The following ESYT2 variants were observed in gnomAD, a reference collection of about 807,000 sequenced individuals.
ESYT2 encodes the protein extended synaptotagmin-2.
A neutral mutation model predicts 107.2 loss-of-function variants in ESYT2; 54 were observed. That is an observed-to-expected ratio of 0.50 (90% CI 0.40 to 0.63). The LOEUF (loss-of-function observed/expected upper bound fraction) is 0.63, where lower values mean the gene tolerates loss of function less well. ESYT2 is among the 30% of genes least tolerant of loss of function. The probability of loss-of-function intolerance (pLI) is 0.00; values close to 1 mark genes in which losing one functional copy is unlikely to be tolerated. For missense variants in ESYT2, 1,020 were observed against 1,094.5 expected (o/e 0.93, Z 0.96); for synonymous variants, 491 against 434.1 (o/e 1.13, Z -1.63).
At chr7:158,738,328 TACACACACACACACAG>T (rs1563614923) in intron 19 of ESYT2, among the ~76,000 whole-genome samples, 14 of 62,926 alleles carry the variant, frequency 2.2e-4, no homozygotes, top group East Asian at 6.0e-4. Flanking sequence ...AAAAAAAAAA[TACACACACACACACAG>T]ACACACACAC....
intron 3 of ESYT2, among the ~76,000 whole-genome samples, chr7:158,794,946 T>C (rs1489030392): frequency 3.3e-5 from 5 of 152,236 alleles, no homozygotes; most frequent in Admixed American, 1.3e-4. Context: ...TTTATGGTAC[T>C]AGCTAAGCCA....
chr7:158,734,079 A>G lies in ESYT2; in HGVS notation c.*128T>C, dbSNP rs1011586088. 1.9e-5 allele frequency: 21 copies of G among 1,134,254 alleles called. No individual in the cohort carries two copies. The highest frequency in any genetic ancestry group is 2.4e-5 in the Non-Finnish European group (19 of 807,302). 70.3% of individuals were successfully genotyped at this position (1,134,254 alleles called of 1,614,324 possible). On this transcript the variant is annotated 3_prime_UTR_variant, in exon 23 of 23. Transcript: ENST00000275418. Reference sequence around the variant, plus strand: ...TTGCCTGAAATGTCAACAATTTTATAAAACTATTAAGGTATGTATAACTAA... The same window carrying G: ...TTGCCTGAAATGTCAACAATTTTATGAAACTATTAAGGTATGTATAACTAA...
intron 11 of ESYT2, among the ~76,000 whole-genome samples, 161 bp from the exon 12 acceptor site, chr7:158,760,308 A>G (rs1837915637): frequency 6.6e-6 from 1 of 152,226 alleles, no homozygotes; most frequent in Admixed American, 6.5e-5. Flanking sequence ...GCTCTACGCT[A>G]TGTGGATGCC....
intron 1 of ESYT2, among the ~76,000 whole-genome samples, chr7:158,803,756 C>T (rs1224734117): frequency 4.6e-5 from 7 of 151,356 alleles, no homozygotes; most frequent in Non-Finnish European, 8.8e-5. Context: ...AGGTGAGGCG[C>T]GCGACAAACC....
intron 1 of ESYT2, among the ~76,000 whole-genome samples, chr7:158,828,320 C>G (rs1253098059): frequency 6.6e-6 from 1 of 152,264 alleles, no homozygotes; most frequent in Non-Finnish European, 1.5e-5. Context: ...CCACCCGGAG[C>G]ATTTCCAGGC....
intron 6 of ESYT2, among the ~76,000 whole-genome samples, chr7:158,774,553 G>T (rs1838482143): frequency 1.3e-5 from 2 of 152,122 alleles, no homozygotes; most frequent in South Asian, 4.1e-4. Flanking sequence ...TGACTTAAGA[G>T]CTCATTTTCC....
intron 16 of ESYT2, among the ~76,000 whole-genome samples, chr7:158,747,813 T>C (rs1587383348): frequency 6.6e-6 from 1 of 152,202 alleles, no homozygotes. Context: ...AATGTCTTAC[T>C]CACAGGTAAA....
intron 7 of ESYT2, among the ~76,000 whole-genome samples, chr7:158,771,965 A>G (rs1838387816): frequency 6.6e-6 from 1 of 151,908 alleles, no homozygotes; most frequent in Non-Finnish European, 1.5e-5. Flanking sequence ...CTAAAAAAAT[A>G]CAAAAATTAG....
chr7:158,794,613 C>T (rs11981073), intron 3 of ESYT2, among the ~76,000 whole-genome samples: 19,364 of 151,942 alleles, frequency 0.13, 1,389 homozygotes, highest in African/African-American at 0.2. Context: ...TGGAGACCCC[C>T]ATCTCTACAA....
chr7:158,777,437 A>G (rs1838608138), intron 6 of ESYT2, among the ~76,000 whole-genome samples: 1 of 152,114 alleles, frequency 6.6e-6, no homozygotes, highest in African/African-American at 2.4e-5. Context: ...ACCTGGTAGG[A>G]GGTGATTGGC....
At chr7:158,775,958 C>T (rs1345970505) in intron 6 of ESYT2, among the ~76,000 whole-genome samples, 1 of 152,202 alleles carries the variant, frequency 6.6e-6, no homozygotes, top group African/African-American at 2.4e-5. Context: ...GATCCATGGG[C>T]TGGAGAATGG....
chr7:158,795,584 C>A (rs1839432796), intron 3 of ESYT2, among the ~76,000 whole-genome samples: 1 of 116,142 alleles, frequency 8.6e-6, no homozygotes, highest in East Asian at 2.5e-4. Flanking sequence ...GCCCCTGCGG[C>A]CACGTACAGA....
chr7:158,757,143 C>T (rs1837785839), intron 13 of ESYT2, among the ~76,000 whole-genome samples: 1 of 152,002 alleles, frequency 6.6e-6, no homozygotes, highest in African/African-American at 2.4e-5. Context: ...TGGTCAGATG[C>T]TCTCCAATGT....
chr7:158,772,346 T>G (rs1838403113), intron 7 of ESYT2, among the ~76,000 whole-genome samples: 1 of 152,184 alleles, frequency 6.6e-6, no homozygotes. Context: ...AGTCCTAATT[T>G]TTCCCTAATA....
At chr7:158,747,443 A>T (rs762006749) in intron 16 of ESYT2, among the ~76,000 whole-genome samples, 7 of 152,166 alleles carry the variant, frequency 4.6e-5, no homozygotes, top group Non-Finnish European at 1.0e-4. Flanking sequence ...AAAAAAACTG[A>T]ATAGACATTT....
At chr7:158,738,882 C>G (rs1365672869) in intron 19 of ESYT2, 141 bp downstream of exon 19, 5 of 847,108 alleles carry the variant, frequency 5.9e-6, no homozygotes, top group Non-Finnish European at 9.3e-6. Context: ...CGAGCACCGT[C>G]TCTAGAGGTT....
intron 15 of ESYT2, among the ~76,000 whole-genome samples, chr7:158,749,357 G>A (rs1458275030): frequency 6.6e-6 from 1 of 152,116 alleles, no homozygotes. Flanking sequence ...GACCTCAAGG[G>A]ATCTCCCTGC....
intron 1 of ESYT2, among the ~76,000 whole-genome samples, chr7:158,823,561 C>T (rs369997527): frequency 1.3e-5 from 2 of 151,928 alleles, no homozygotes; most frequent in African/African-American, 4.8e-5. Context: ...CTCCTGACCT[C>T]GTGATCCACC....
chr7:158,827,968 C>T (rs1153998), intron 1 of ESYT2, among the ~76,000 whole-genome samples: 143,413 of 152,248 alleles, frequency 0.94, 67,597 homozygotes, highest in East Asian at 0.95. Context: ...CATAAATATA[C>T]GAGGTAGAGA....
Sources: gnomAD v4.1 joint callset for allele counts (sites outside exome capture counted in the v4.1 genomes callset) on GRCh38, gnomAD v4.1.1 for gene constraint, MANE v1.5 for transcripts, NCBI Gene and HGNC (gene_info 2026-07-23, HGNC 2026-07-21) for gene names.